RBFOX2: variants seen among roughly 807,000 people sequenced by gnomAD.
The protein encoded by RBFOX2 is RNA binding fox-1 homolog 2.
Under a neutral mutation model 49.1 loss-of-function variants are expected in RBFOX2, and 10 were observed. That is an observed-to-expected ratio of 0.20 (90% CI 0.13 to 0.35). The LOEUF (loss-of-function observed/expected upper bound fraction) is 0.35, where lower values mean the gene tolerates loss of function less well. Among genes scored for constraint, RBFOX2 ranks in the 10% least tolerant of loss-of-function variants. RBFOX2 has a pLI of 1.00. For missense variants in RBFOX2, 323 were observed against 486.9 expected, an observed-to-expected ratio of 0.66 and a Z score of 3.17; for synonymous variants, 183 against 187.4, an observed-to-expected ratio of 0.98 and a Z score of 0.19.
At chr22:35,879,505 C>G (rs2045593001) in intron 1 of RBFOX2, among the ~76,000 whole-genome samples, 4 of 152,172 alleles carry the variant, frequency 2.6e-5, no homozygotes, top group Admixed American at 2.0e-4. Flanking sequence ...TTAAGAGGCT[C>G]TGGAACCAAC....
At chr22:35,888,394 G>C (rs760278431) in intron 1 of RBFOX2, among the ~76,000 whole-genome samples, 1 of 152,184 alleles carries the variant, frequency 6.6e-6, no homozygotes, top group South Asian at 2.1e-4. Flanking sequence ...TCAAGGTTCC[G>C]TGTGCTTACA....
chr22:35,966,459 A>G (rs1569514564), upstream of RBFOX2, among the ~76,000 whole-genome samples: 2 of 152,180 alleles, frequency 1.3e-5, no homozygotes, highest in African/African-American at 4.8e-5. Flanking sequence ...CCACCAGTAC[A>G]TGAGGGTTCC....
intron 1 of RBFOX2, chr22:35,993,881 G>C (rs1367478318): frequency 6.6e-6 from 1 of 152,178 alleles, no homozygotes; most frequent in African/African-American, 2.4e-5. Context: ...CAGTTACTCA[G>C]GAGGCTGAGG....
chr22:35,809,999 G>A, exon 2 of RBFOX2: 3 of 1,613,992 alleles, frequency 1.9e-6, no homozygotes, highest in Non-Finnish European at 2.5e-6. Flanking sequence ...TCGGCTCCTG[G>A]TTACCCTAAA....
chr22:36,003,579 T>C (rs922998342), intron 1 of RBFOX2, among the ~76,000 whole-genome samples: 5 of 152,240 alleles, frequency 3.3e-5, no homozygotes, highest in East Asian at 3.8e-4. Context: ...ACTGGCCTTA[T>C]ACGTTTGAGT....
At chr22:35,809,753 C>T in intron 2 of RBFOX2, 27 bp downstream of exon 3, 1 of 1,602,946 alleles carries the variant, frequency 6.2e-7, no homozygotes, top group South Asian at 1.1e-5. Flanking sequence ...ATGCATCCTT[C>T]CATTTTTCAC....
intron 1 of RBFOX2, among the ~76,000 whole-genome samples, chr22:35,913,993 A>G (rs1182154909): frequency 6.6e-6 from 1 of 152,160 alleles, no homozygotes; most frequent in East Asian, 1.9e-4. Flanking sequence ...TTGCTCTAGT[A>G]GCGGGGCTGT....
chr22:35,798,603 T>C (rs1241164769), intron 2 of RBFOX2, among the ~76,000 whole-genome samples: 1 of 152,174 alleles, frequency 6.6e-6, no homozygotes, highest in East Asian at 1.9e-4. Flanking sequence ...AGTTAACACA[T>C]AAAAAGTGCT....
chr22:35,928,578 T>C (rs1165557442), intron 1 of RBFOX2, among the ~76,000 whole-genome samples: 1 of 152,212 alleles, frequency 6.6e-6, no homozygotes, highest in Non-Finnish European at 1.5e-5. Flanking sequence ...AAAATAGTTA[T>C]TCAGAATTTA....
intron 1 of RBFOX2, among the ~76,000 whole-genome samples, chr22:35,849,050 T>C (rs769070823): frequency 2.0e-5 from 3 of 152,070 alleles, no homozygotes; most frequent in Admixed American, 2.0e-4. Flanking sequence ...AGTTAACAAA[T>C]AAGATGTTAC....
chr22:35,902,063 G>A (rs1047467106), intron 1 of RBFOX2, among the ~76,000 whole-genome samples: 1 of 151,994 alleles, frequency 6.6e-6, no homozygotes, highest in African/African-American at 2.4e-5. Context: ...CTGGGCGACA[G>A]AGTGAGACTC....
chr22:36,013,626 A>AACACACAC (rs547422068), intron 1 of RBFOX2, among the ~76,000 whole-genome samples: 2 of 146,076 alleles, frequency 1.4e-5, no homozygotes, highest in Non-Finnish European at 3.0e-5. Flanking sequence ...GCATCACACA[A>AACACACAC]ACACACACAC....
intron 1 of RBFOX2, among the ~76,000 whole-genome samples, chr22:35,851,974 G>A (rs775556055): frequency 1.2e-4 from 19 of 152,096 alleles, no homozygotes; most frequent in Middle Eastern, 6.8e-3. Flanking sequence ...TACCTTAAGG[G>A]ATTATAATAT....
chr22:36,018,194 C>G (rs73415776), intron 1 of RBFOX2, among the ~76,000 whole-genome samples: 8 of 152,256 alleles, frequency 5.3e-5, no homozygotes, highest in Admixed American at 2.0e-4. Context: ...TCTGGGTAAG[C>G]GTGGTGGGGC....
At chr22:35,831,966 T>C (rs1182250957) in intron 1 of RBFOX2, among the ~76,000 whole-genome samples, 1 of 152,102 alleles carries the variant, frequency 6.6e-6, no homozygotes, top group East Asian at 1.9e-4. Context: ...TGCTTTATAG[T>C]GGAGAGAAAA....
At chr22:35,794,853 G>A (rs1426677099) in intron 2 of RBFOX2, among the ~76,000 whole-genome samples, 6 of 152,066 alleles carry the variant, frequency 3.9e-5, no homozygotes, top group South Asian at 2.1e-4. Flanking sequence ...CAGCATTAAC[G>A]CGCCTAGCAA....
Position 36,001,213 on chromosome 22 carries a change from ACACACACACACACACACACAC to A in RBFOX2, c.186+27006_186+27026del, listed in dbSNP as rs2058405052. On this transcript the variant is annotated intron_variant, in intron 1 of 13. Transcript: ENST00000438146. ...CACACACACACACACACACACACAC[ACACACACACACACACACACAC>A]TATATGTATATACATGTACACATAC... is the stretch of plus-strand genomic sequence containing the variant. Among the ~76,000 whole-genome samples the A allele has an allele frequency of 2.7e-5, 4 of 147,916 alleles. No homozygotes were observed. In the South Asian group the frequency reaches 8.7e-4, roughly 32 times the overall value.
chr22:35,959,029 A>G (rs1218647087), intron 1 of RBFOX2, among the ~76,000 whole-genome samples: 1 of 152,138 alleles, frequency 6.6e-6, no homozygotes, highest in African/African-American at 2.4e-5. Flanking sequence ...GATAGCTGGG[A>G]GAAGGGCAAG....
At chr22:35,938,140 C>T (rs1241500829) in intron 1 of RBFOX2, among the ~76,000 whole-genome samples, 1 of 152,090 alleles carries the variant, frequency 6.6e-6, no homozygotes, top group Admixed American at 6.6e-5. Context: ...CTTTCAGAGG[C>T]GAGGTGATTT....
Sources: allele counts gnomAD v4.1 joint callset (sites outside exome capture counted in the v4.1 genomes callset), GRCh38; gene constraint gnomAD v4.1.1; transcripts MANE v1.5; gene names NCBI Gene and HGNC (gene_info 2026-07-23, HGNC 2026-07-21).